Variants in ALG5 observed in about 807,000 individuals in gnomAD.
The protein encoded by ALG5 is ALG5 dolichyl-phosphate beta-glucosyltransferase.
ALG5 carries 26 observed loss-of-function variants against 51.8 expected under a neutral mutation model. The observed-to-expected ratio is 0.50, with a 90% confidence interval of 0.37 to 0.70. The LOEUF (loss-of-function observed/expected upper bound fraction) is 0.70, where lower values mean the gene tolerates loss of function less well. ALG5 is among the 30% of genes least tolerant of loss of function. The pLI is 0.00. For missense variants in ALG5, 311 were observed against 399.3 expected, an observed-to-expected ratio of 0.78 and a Z score of 1.88; for synonymous variants, 141 against 136.1, an observed-to-expected ratio of 1.04 and a Z score of -0.25.
intron 6 of ALG5, among the ~76,000 whole-genome samples, chr13:36,982,128 C>T (rs994239658): frequency 6.6e-6 from 1 of 152,008 alleles, no homozygotes; most frequent in Non-Finnish European, 1.5e-5. Context: ...CAACAAAAAC[C>T]GTAAGAACTG....
chr13:36,974,565 C>T (rs1293909172), intron 6 of ALG5, among the ~76,000 whole-genome samples: 2 of 151,972 alleles, frequency 1.3e-5, no homozygotes, highest in Non-Finnish European at 2.9e-5. Flanking sequence ...AAAATTTATT[C>T]ATGTTAAAGT....
intron 8 of ALG5, among the ~76,000 whole-genome samples, chr13:36,961,749 A>C (rs930450264): frequency 6.6e-6 from 1 of 152,156 alleles, no homozygotes; most frequent in African/African-American, 2.4e-5. Context: ...TAACATACCT[A>C]TACTCAACTC....
At chr13:36,963,761 T>C (rs1292445695) in intron 8 of ALG5, among the ~76,000 whole-genome samples, 1 of 152,230 alleles carries the variant, frequency 6.6e-6, no homozygotes, top group Non-Finnish European at 1.5e-5. Flanking sequence ...ATATGGCATA[T>C]ATTTCTAGGA....
At chr13:36,981,804 T>C (rs1042702984) in intron 6 of ALG5, among the ~76,000 whole-genome samples, 1 of 152,150 alleles carries the variant, frequency 6.6e-6, no homozygotes, top group Non-Finnish European at 1.5e-5. Context: ...CTGTAAGAAC[T>C]GGGCCAGGCG....
intron 1 of ALG5, chr13:36,998,912 T>G: frequency 7.5e-6 from 2 of 265,776 alleles, no homozygotes; most frequent in Non-Finnish European, 7.1e-6. Context: ...GAGGTCGAGG[T>G]TGACAGAGGA....
chr13:36,960,659 T>C (rs2058861890), intron 8 of ALG5, among the ~76,000 whole-genome samples: 1 of 151,316 alleles, frequency 6.6e-6, no homozygotes, highest in South Asian at 2.1e-4. Flanking sequence ...ACTATGGGCA[T>C]GTGCCACCAC....
Position 36,993,635 on chromosome 13 carries a change from A to G in ALG5, c.323T>C (p.Val108Ala). ...DPAFTYEVIVVDDGSKDQTSK... is the reference protein window; with the variant it reads ...DPAFTYEVIVADDGSKDQTSK... ...GGTCTGATCTTTACTGCCATCATCA[A>G]CTACTATCACTTCATAAGTGAACGC... Residue 108 changes from valine (V) to alanine (A), a missense_variant, in exon 4 of 10, where the codon GTT becomes GCT. Transcript: ENST00000239891. 1 of 1,613,854 alleles carries G rather than the reference A, an allele frequency of 6.2e-7. No individual in the cohort carries two copies. Among genetic ancestry groups the G allele is most frequent in the Non-Finnish European group, 8.5e-7 (1 of 1,179,948 alleles).
At chr13:36,993,971 T>G (rs2059037267) in intron 3 of ALG5, among the ~76,000 whole-genome samples, 1 of 152,200 alleles carries the variant, frequency 6.6e-6, no homozygotes, top group South Asian at 2.1e-4. Flanking sequence ...ATAGCACATT[T>G]GAGAGGGTAC....
rs372739278 is a variant in ALG5, at chr13:36,976,600, T to C, written c.562-4564A>G. 4.1e-4 allele frequency among the ~76,000 whole-genome samples: 63 copies of C among 151,934 alleles called. 1 individual carries two copies. In the South Asian group the frequency reaches 0.013, roughly 31 times the overall value. On this transcript the variant is annotated intron_variant, in intron 6 of 9. Transcript: ENST00000239891. Reference sequence around the variant, plus strand: ...TCATTTCTACTAAAAATACATAAATTAGCCGGCTGTGGTTGCAAGCGCCTG... The same window carrying C: ...TCATTTCTACTAAAAATACATAAATCAGCCGGCTGTGGTTGCAAGCGCCTG...
At chr13:36,967,978 G>T in intron 7 of ALG5, 1 of 311,132 alleles carries the variant, frequency 3.2e-6, no homozygotes, top group Middle Eastern at 1.3e-3. Flanking sequence ...TTAATAACAG[G>T]ATTTTTGTTT....
chr13:36,999,264 C>G lies in ALG5; in HGVS notation c.37G>C (p.Ala13Pro), dbSNP rs2138837864. 13 of 1,580,384 alleles carry G rather than the reference C, an allele frequency of 8.2e-6. No homozygotes were observed. Among genetic ancestry groups the G allele is most frequent in the Non-Finnish European group, 1.1e-5 (13 of 1,166,252 alleles). ...ACGAGGGCTGCGGCCGCCAGCGCCG[C>G]GCCGAGCACCGCCAGCTGCAACAGA... is the stretch of plus-strand genomic sequence containing the variant. ...PLLLQLAVLG[A>P]ALAAAALVLI... is the part of the protein sequence containing the mutation. Residue 13 changes from alanine (A) to proline (P), a missense_variant, in exon 1 of 10, where the codon GCG becomes CCG. Physicochemically the swap from Ala to Pro is conservative, Grantham distance 27 (BLOSUM62 -1). Coordinates refer to ENST00000239891, the MANE Select transcript of ALG5 (RefSeq NM_013338.5).
chr13:36,958,244 CT>C (rs1170225200), intron 8 of ALG5, among the ~76,000 whole-genome samples: 2 of 152,110 alleles, frequency 1.3e-5, no homozygotes, highest in African/African-American at 4.8e-5. Flanking sequence ...TTACCAAGAG[CT>C]TCTATGGAGA....
At chr13:36,976,425 C>CA (rs57192095) in intron 6 of ALG5, among the ~76,000 whole-genome samples, 3,245 of 36,254 alleles carry the variant, frequency 0.09, 225 homozygotes, top group Non-Finnish European at 0.099. Context: ...GACTCTGTCT[C>CA]AAAAAAAAAA....
rs549796722 is a variant in ALG5 at position 36,978,458 on chromosome 13, A to G, written c.562-6422T>C. 2.0e-4 allele frequency among the ~76,000 whole-genome samples: 30 copies of G among 152,152 alleles called. 1 individual carries two copies. The highest frequency in any genetic ancestry group is 5.2e-4 in the Admixed American group (8 of 15,292). On this transcript the variant is annotated intron_variant, in intron 6 of 9. Coordinates refer to ENST00000239891, the MANE Select transcript of ALG5 (RefSeq NM_013338.5). ...TGCCTCAGTCTCCTGAAATGCTGGG[A>G]TTACAGGCGTGAGCCACTGTGCCCG...
intron 8 of ALG5, among the ~76,000 whole-genome samples, chr13:36,961,213 T>G (rs1455156261): frequency 6.6e-6 from 1 of 151,942 alleles, no homozygotes; most frequent in Non-Finnish European, 1.5e-5. Flanking sequence ...CTCAGGATTT[T>G]GGGACCAGCC....
chr13:36,970,067 T>TAC, intron 7 of ALG5, among the ~76,000 whole-genome samples: 1 of 149,064 alleles, frequency 6.7e-6, no homozygotes, highest in South Asian at 2.1e-4. Context: ...TACATATATA[T>TAC]ACTATTTTAT....
At chr13:36,981,795 T>C (rs1295800093) in intron 6 of ALG5, among the ~76,000 whole-genome samples, 3 of 152,194 alleles carry the variant, frequency 2.0e-5, no homozygotes, top group Admixed American at 1.3e-4. Context: ...GTTTAAAAAC[T>C]GTAAGAACTG....
At position 36,978,344 on chromosome 13, in the gene ALG5, A is replaced by G. The variant is rs150249122; in HGVS notation, c.562-6308T>C. On this transcript the variant is annotated intron_variant, in intron 6 of 9. Coordinates refer to ENST00000239891, the MANE Select transcript of ALG5 (RefSeq NM_013338.5). The stretch of plus-strand genomic sequence containing the variant: ...TGGGATTATGGGCACGTGCCACCAC[A>G]CCCAGCTAATTTTTATATTTTCAGT... Among the ~76,000 whole-genome samples, 918 of 150,864 alleles carry G rather than the reference A, an allele frequency of 6.1e-3. 12 individuals are homozygous for G. Among genetic ancestry groups the G allele is most frequent in the African/African-American group, 0.022 (890 of 41,134 alleles).
intron 6 of ALG5, among the ~76,000 whole-genome samples, chr13:36,973,380 C>A (rs2058935480): frequency 6.6e-6 from 1 of 152,212 alleles, no homozygotes; most frequent in African/African-American, 2.4e-5. Flanking sequence ...CCTTTTAAAT[C>A]AGTGGGAAAA....
Sources: allele counts gnomAD v4.1 joint callset (sites outside exome capture counted in the v4.1 genomes callset), GRCh38; gene constraint gnomAD v4.1.1; transcripts MANE v1.5; gene names NCBI Gene and HGNC (gene_info 2026-07-23, HGNC 2026-07-21).